Variants in METTL8 observed in about 807,000 individuals in gnomAD.
The protein encoded by METTL8 is methyltransferase 8, tRNA N3-cytidine.
A neutral mutation model predicts 48.7 loss-of-function variants in METTL8; 32 were observed. The observed-to-expected ratio is 0.66, with a 90% CI of 0.50 to 0.88. The LOEUF (loss-of-function observed/expected upper bound fraction) is 0.88, where lower values mean the gene tolerates loss of function less well. METTL8 is among the 40% of genes least tolerant of loss of function. The pLI is 0.00. For synonymous variants in METTL8, 136 were observed against 157.1 expected (o/e 0.87, Z 1.01); for missense variants, 464 against 474.4 (o/e 0.98, Z 0.20).
chr2:171,404,031 C>T (rs1418185581), intron 1 of METTL8, among the ~76,000 whole-genome samples: 1 of 113,220 alleles, frequency 8.8e-6, no homozygotes, highest in African/African-American at 3.5e-5. Context: ...AGTAACAAAC[C>T]CTATACATAC....
intron 3 of METTL8, among the ~76,000 whole-genome samples, chr2:171,351,971 C>G (rs536250464): frequency 2.6e-5 from 4 of 152,118 alleles, no homozygotes; most frequent in Non-Finnish European, 5.9e-5. Flanking sequence ...TGCCTGATTG[C>G]CCTGGCCAGA....
chr2:171,371,070 A>G lies in METTL8; in HGVS notation c.144-10557T>C, dbSNP rs148243262. ...ATTATTTTCTGTACCAGTAATAAAG[A>G]AAAAACATTTTCAGCTACAATTTTA... On this transcript the variant is annotated intron_variant, in intron 2 of 9. Transcript: ENST00000375258. 1.4e-3 allele frequency among the ~76,000 whole-genome samples: 213 copies of G among 152,348 alleles called. 4 individuals are homozygous for G. In the East Asian group the frequency reaches 0.015, roughly 10 times the overall value.
At chr2:171,412,753 A>C (rs1690884063) in intron 1 of METTL8, among the ~76,000 whole-genome samples, 1 of 152,106 alleles carries the variant, frequency 6.6e-6, no homozygotes, top group Non-Finnish European at 1.5e-5. Context: ...GTTTCACGTA[A>C]GCATTTCCTT....
rs1040534290 is a variant in METTL8 at position 171,322,252 on chromosome 2, T to G, written c.*1920A>C. The G allele has an allele frequency of 1.3e-5, 2 of 151,910 alleles. No homozygotes were observed. Among genetic ancestry groups the G allele is most frequent in the Non-Finnish European group, 2.9e-5 (2 of 68,006 alleles). 9.4% of individuals were successfully genotyped at this position (151,910 alleles called of 1,614,324 possible). A position where few individuals can be genotyped will look rare whatever the true frequency, so the allele number is the denominator to read the frequency against. Reference sequence around the variant, plus strand: ...TGCTGGGATTACGGGCTTGAGCGACTGCGCCCGGCCCTCGAGGGGATAAAT... The same window carrying G: ...TGCTGGGATTACGGGCTTGAGCGACGGCGCCCGGCCCTCGAGGGGATAAAT... On this transcript the variant is annotated 3_prime_UTR_variant, in exon 10 of 10. Coordinates refer to ENST00000375258, the MANE Select transcript of METTL8 (RefSeq NM_001321154.2).
At chr2:171,336,526 C>T (rs981109248) in intron 5 of METTL8, among the ~76,000 whole-genome samples, 2 of 151,098 alleles carry the variant, frequency 1.3e-5, no homozygotes, top group Admixed American at 1.3e-4. Context: ...CTCAGCCTCC[C>T]GAGTAGCTGG....
At chr2:171,398,495 G>A (rs1689329265) in intron 1 of METTL8, among the ~76,000 whole-genome samples, 1 of 152,146 alleles carries the variant, frequency 6.6e-6, no homozygotes, top group African/African-American at 2.4e-5. Context: ...GTTTGGCAGA[G>A]GTTGGGGAAG....
intron 1 of METTL8, among the ~76,000 whole-genome samples, chr2:171,393,666 C>G (rs554950113): frequency 6.6e-6 from 1 of 152,276 alleles, no homozygotes; most frequent in East Asian, 1.9e-4. Context: ...AACATTCAGC[C>G]TAATGCTGTC....
chr2:171,413,864 G>A (rs1051880346), intron 1 of METTL8, among the ~76,000 whole-genome samples: 3 of 152,136 alleles, frequency 2.0e-5, no homozygotes, highest in African/African-American at 7.2e-5. Context: ...AGGCATTCTG[G>A]CAAACTGAGG....
intron 3 of METTL8, among the ~76,000 whole-genome samples, chr2:171,352,184 T>C (rs1684011439): frequency 6.6e-6 from 1 of 152,254 alleles, no homozygotes; most frequent in South Asian, 2.1e-4. Context: ...CTGTTGAATT[T>C]TGTTGAAGGC....
At chr2:171,380,326 T>C (rs1321167387) in intron 2 of METTL8, among the ~76,000 whole-genome samples, 2 of 152,232 alleles carry the variant, frequency 1.3e-5, no homozygotes, top group Non-Finnish European at 2.9e-5. Context: ...GTATTCCCTT[T>C]GAAAACTGGC....
At chr2:171,328,086 CA>C (rs1022657788) in intron 7 of METTL8, among the ~76,000 whole-genome samples, 5 of 152,136 alleles carry the variant, frequency 3.3e-5, no homozygotes, top group African/African-American at 1.2e-4. Context: ...GTTCCCGAGC[CA>C]ATTCCTGAGA....
At chr2:171,326,844 C>T (rs189507513) in intron 7 of METTL8, among the ~76,000 whole-genome samples, 199 of 152,310 alleles carry the variant, frequency 1.3e-3, no homozygotes, top group Middle Eastern at 6.8e-3. Flanking sequence ...CCCTGTCAAT[C>T]CTTCCTGCAT....
intron 7 of METTL8, among the ~76,000 whole-genome samples, chr2:171,327,859 T>A (rs545439475): frequency 6.6e-6 from 1 of 152,364 alleles, no homozygotes; most frequent in South Asian, 2.1e-4. Flanking sequence ...ACTTTCAATA[T>A]AAATATTTTA....
intron 6 of METTL8, among the ~76,000 whole-genome samples, chr2:171,331,007 G>A (rs1401519600): frequency 6.6e-6 from 1 of 152,140 alleles, no homozygotes; most frequent in East Asian, 1.9e-4. Context: ...TGCTGTTTCT[G>A]AACTTAAAGA....
chr2:171,418,519 T>C (rs1691550535), intron 1 of METTL8, among the ~76,000 whole-genome samples: 1 of 151,960 alleles, frequency 6.6e-6, no homozygotes, highest in Admixed American at 6.6e-5. Context: ...ATTTGTCTCT[T>C]CTCTCCCATT....
At chr2:171,369,796 G>C (rs571770192) in intron 2 of METTL8, among the ~76,000 whole-genome samples, 2 of 152,140 alleles carry the variant, frequency 1.3e-5, no homozygotes, top group South Asian at 4.1e-4. Flanking sequence ...GGCTGGTCAC[G>C]GTGGCTCACA....
Position 171,415,413 on chromosome 2 carries a change from C to A in METTL8, c.-13+18470G>T, listed in dbSNP as rs561198596. On this transcript the variant is annotated intron_variant, in intron 1 of 9. Coordinates refer to ENST00000375258, the MANE Select transcript of METTL8 (RefSeq NM_001321154.2). Reference sequence around the variant, plus strand: ...TGTTGCCCAGGCTGGAGTGCAGTGGCGCGATCTTGGCTCACTGCAACCTCT... The same window carrying A: ...TGTTGCCCAGGCTGGAGTGCAGTGGAGCGATCTTGGCTCACTGCAACCTCT... Among the ~76,000 whole-genome samples, 219 of 135,026 alleles carry A rather than the reference C, an allele frequency of 1.6e-3. 4 individuals carry two copies. In the East Asian group the frequency reaches 0.018, roughly 11 times the overall value. The allele number at this position is 135,026 out of a possible 152,430, so 88.6% of individuals were successfully genotyped here.
chr2:171,339,555 CT>C lies in METTL8; in HGVS notation c.236-2del. 1 of 1,451,066 alleles carries C rather than the reference CT, an allele frequency of 6.9e-7. No homozygotes were observed. Among genetic ancestry groups the C allele is most frequent in the South Asian group, 1.3e-5 (1 of 75,572 alleles). The allele number at this position is 1,451,066 out of a possible 1,614,324, so 89.9% of individuals were successfully genotyped here. A position where few individuals can be genotyped will look rare whatever the true frequency, so the allele number is the denominator to read the frequency against. On this transcript the variant is annotated splice_acceptor_variant, in intron 3 of 9. Transcript: ENST00000375258. LOFTEE classifies it high-confidence loss of function. Reference sequence around the variant, plus strand: ...TTACTAGCTTCTCTCTCATACTTAACTAAAATAAAGAGGAAAAAGAAAGATT... The same window carrying C: ...TTACTAGCTTCTCTCTCATACTTAACAAAATAAAGAGGAAAAAGAAAGATT...
intron 1 of METTL8, among the ~76,000 whole-genome samples, chr2:171,398,698 A>G (rs1689356130): frequency 6.6e-6 from 1 of 152,184 alleles, no homozygotes; most frequent in Admixed American, 6.5e-5. Context: ...TTTCAGGTAC[A>G]CTTGCCACAC....
Sources: allele counts gnomAD v4.1 joint callset (sites outside exome capture counted in the v4.1 genomes callset), GRCh38; gene constraint gnomAD v4.1.1; transcripts MANE v1.5; gene names NCBI Gene and HGNC (gene_info 2026-07-23, HGNC 2026-07-21).